Variants in CADM2 observed in about 807,000 individuals in gnomAD.
CADM2 encodes cell adhesion molecule 2.
A neutral mutation model predicts 49.8 loss-of-function variants in CADM2; 12 were observed. The ratio of observed to expected loss-of-function variants is 0.24; its 90% CI spans 0.15 to 0.39. The LOEUF is 0.39. Among genes scored for constraint, CADM2 ranks in the 10% least tolerant of loss-of-function variants. The pLI is 1.00. For synonymous variants in CADM2, 214 were observed against 175.4 expected (o/e 1.22, Z -1.74); for missense variants, 378 against 492.3 (o/e 0.77, Z 2.20).
At chr3:85,030,713 C>T (rs1559625392) in intron 1 of CADM2, among the ~76,000 whole-genome samples, 1 of 152,060 alleles carries the variant, frequency 6.6e-6, no homozygotes, top group Non-Finnish European at 1.5e-5. Context: ...ATTTACAGCC[C>T]ACACCTTTCC....
At chr3:85,999,478 C>G (rs985474471) in intron 8 of CADM2, among the ~76,000 whole-genome samples, 1 of 150,192 alleles carries the variant, frequency 6.7e-6, no homozygotes, top group Non-Finnish European at 1.5e-5. Context: ...GCACTCCAGC[C>G]TGAGTGACCA....
chr3:85,563,569 C>T (rs1361237400), intron 1 of CADM2, among the ~76,000 whole-genome samples: 2 of 152,026 alleles, frequency 1.3e-5, no homozygotes, highest in Non-Finnish European at 2.9e-5. Flanking sequence ...CTCATGACTC[C>T]TTTGAGAACT....
intron 8 of CADM2, among the ~76,000 whole-genome samples, chr3:86,042,846 C>A (rs960828147): frequency 4.6e-5 from 7 of 152,124 alleles, no homozygotes; most frequent in East Asian, 1.9e-4. Flanking sequence ...TACTGGCAAA[C>A]CGAATCCAGC....
chr3:85,008,105 T>C lies in CADM2; in HGVS notation c.61+48437T>C, dbSNP rs76276206. On this transcript the variant is annotated intron_variant, in intron 1 of 9. Transcript: ENST00000383699. ...CAGTTGGCTCAACTACCTAAAACAC[T>C]GCCATTGGCTCATGAAAATTATGTC... 5.9e-5 allele frequency among the ~76,000 whole-genome samples: 9 copies of C among 152,268 alleles called. No homozygotes were observed. In the East Asian group the frequency reaches 1.7e-3, roughly 29 times the overall value.
intron 1 of CADM2, among the ~76,000 whole-genome samples, chr3:85,530,459 T>G (rs1376532627): frequency 4.0e-5 from 6 of 150,362 alleles, no homozygotes; most frequent in African/African-American, 1.5e-4. Context: ...GCCTCCCAAG[T>G]CGCTGGGACT....
At chr3:85,201,024 A>G (rs1369186582) in intron 1 of CADM2, among the ~76,000 whole-genome samples, 1 of 152,220 alleles carries the variant, frequency 6.6e-6, no homozygotes, top group Non-Finnish European at 1.5e-5. Context: ...TGTGATAAGT[A>G]ATACATGTTT....
chr3:85,104,748 A>C (rs1483501474), intron 1 of CADM2, among the ~76,000 whole-genome samples: 3 of 152,062 alleles, frequency 2.0e-5, no homozygotes, highest in Non-Finnish European at 4.4e-5. Flanking sequence ...TATTTCATTG[A>C]GCAGTGGTTT....
At chr3:85,878,574 C>T (rs1394825134) in intron 3 of CADM2, among the ~76,000 whole-genome samples, 1 of 152,066 alleles carries the variant, frequency 6.6e-6, no homozygotes, top group Non-Finnish European at 1.5e-5. Context: ...ATTACATTCT[C>T]CATGATATCA....
At chr3:85,185,836 A>G (rs1300638129) in intron 1 of CADM2, among the ~76,000 whole-genome samples, 1 of 152,192 alleles carries the variant, frequency 6.6e-6, no homozygotes, top group Non-Finnish European at 1.5e-5. Flanking sequence ...ATAGCAGCCC[A>G]CAAGGGGAGA....
chr3:85,675,105 C>T (rs183485566), intron 1 of CADM2, among the ~76,000 whole-genome samples: 3 of 152,142 alleles, frequency 2.0e-5, no homozygotes, highest in Non-Finnish European at 4.4e-5. Context: ...TCAGTCTTAA[C>T]TCCAGCTATT....
At chr3:85,267,283 G>T (rs899863466) in intron 1 of CADM2, among the ~76,000 whole-genome samples, 1 of 151,640 alleles carries the variant, frequency 6.6e-6, no homozygotes, top group Non-Finnish European at 1.5e-5. Context: ...GTTTTGTCTG[G>T]TTACAGTTGG....
At chr3:85,646,452 G>T (rs2064889247) in intron 1 of CADM2, among the ~76,000 whole-genome samples, 1 of 151,926 alleles carries the variant, frequency 6.6e-6, no homozygotes, top group South Asian at 2.1e-4. Flanking sequence ...CTAAAAAGAA[G>T]TATTCTGGTG....
intron 8 of CADM2, among the ~76,000 whole-genome samples, chr3:86,028,219 A>G (rs1487699622): frequency 6.7e-6 from 1 of 149,762 alleles, no homozygotes; most frequent in African/African-American, 2.5e-5. Context: ...TAAAAAAAAG[A>G]AGTCAAAAAA....
chr3:85,587,974 C>T (rs976481600), intron 1 of CADM2, among the ~76,000 whole-genome samples: 2 of 151,776 alleles, frequency 1.3e-5, no homozygotes, highest in African/African-American at 4.8e-5. Flanking sequence ...GCCATGTTGC[C>T]CAAGCTGGTT....
chr3:85,347,245 AAAAAAG>A (rs2030771617), intron 1 of CADM2, among the ~76,000 whole-genome samples: 1 of 149,486 alleles, frequency 6.7e-6, no homozygotes, highest in African/African-American at 2.4e-5. Context: ...AAAAAAAAAA[AAAAAAG>A]AATTGCAAAT....
intron 1 of CADM2, among the ~76,000 whole-genome samples, chr3:85,651,035 A>G (rs968608263): frequency 4.6e-5 from 7 of 151,350 alleles, no homozygotes; most frequent in African/African-American, 1.7e-4. Context: ...ACCTAGGTCA[A>G]GTTCATGGTT....
At chr3:85,546,795 G>T (rs1551048) in intron 1 of CADM2, among the ~76,000 whole-genome samples, 77,748 of 151,700 alleles carry the variant, frequency 0.51, 22,997 homozygotes, top group East Asian at 0.85. Flanking sequence ...TAAGGCCAAA[G>T]AAGGTAAATA....
intron 1 of CADM2, among the ~76,000 whole-genome samples, chr3:84,979,759 C>T (rs2032054121): frequency 6.6e-6 from 1 of 151,578 alleles, no homozygotes; most frequent in Non-Finnish European, 1.5e-5. Context: ...AAATAATTTC[C>T]AGGCAGGACT....
intron 1 of CADM2, among the ~76,000 whole-genome samples, chr3:85,601,155 T>TATATA (rs1178263007): frequency 7.8e-6 from 1 of 128,104 alleles, no homozygotes; most frequent in Non-Finnish European, 1.6e-5. Context: ...TATATATATA[T>TATATA]ATATATATAT....
Sources: allele counts gnomAD v4.1 joint callset (sites outside exome capture counted in the v4.1 genomes callset), GRCh38; gene constraint gnomAD v4.1.1; transcripts MANE v1.5; gene names NCBI Gene and HGNC (gene_info 2026-07-23, HGNC 2026-07-21).